Variants in STRN3 observed in about 807,000 individuals in gnomAD.
STRN3 encodes the protein striatin-3.
Under a neutral mutation model 95.6 loss-of-function variants are expected in STRN3, and 29 were observed. The observed-to-expected ratio is 0.30, with a 90% CI of 0.23 to 0.41. The LOEUF is 0.41. Among genes scored for constraint, STRN3 ranks in the 10% least tolerant of loss-of-function variants. STRN3 has a pLI of 1.00. For missense variants in STRN3, 890 were observed against 972.1 expected, an observed-to-expected ratio of 0.92 and a Z score of 1.12; for synonymous variants, 331 against 357.6, an observed-to-expected ratio of 0.93 and a Z score of 0.84.
chr14:30,929,233 T>C lies in STRN3; in HGVS notation c.1067A>G (p.Lys356Arg). The C allele has an allele frequency of 1.2e-6, 2 of 1,613,268 alleles. No individual in the cohort carries two copies. The highest frequency in any genetic ancestry group is 1.7e-6 in the Non-Finnish European group (2 of 1,179,606). ...GLISKLKEQYKKERKGKKGVK... is the reference protein window; with the variant it reads ...GLISKLKEQYRKERKGKKGVK... ...CCCTTTCTTCCCCTTTCGTTCCTTC[T>C]TGTACTGTTCCTTCAGTTTACTTAT... is the stretch of plus-strand genomic sequence containing the variant. The change falls in exon 8 of 18, where the codon AAG becomes AGG. Residue 356 changes from lysine to arginine, a missense_variant. Lys to Arg is a conservative substitution (Grantham distance 26, BLOSUM62 2). Coordinates refer to ENST00000357479, the MANE Select transcript of STRN3 (RefSeq NM_001083893.2).
chr14:30,942,404 C>A (rs1465091075), intron 5 of STRN3, among the ~76,000 whole-genome samples: 1 of 152,082 alleles, frequency 6.6e-6, no homozygotes, highest in African/African-American at 2.4e-5. Context: ...AAAGAGACAA[C>A]AGAATCTTAA....
chr14:30,915,425 A>G (rs1425725544), intron 9 of STRN3, among the ~76,000 whole-genome samples: 1 of 152,156 alleles, frequency 6.6e-6, no homozygotes, highest in African/African-American at 2.4e-5. Context: ...ATGAATCTGA[A>G]AGCACCTGAC....
At chr14:30,910,823 G>GT in intron 13 of STRN3, among the ~76,000 whole-genome samples, 1 of 151,950 alleles carries the variant, frequency 6.6e-6, no homozygotes, top group Middle Eastern at 3.4e-3. Flanking sequence ...AATTAATATA[G>GT]TTTTTTAAAC....
At position 30,894,912 on chromosome 14, in the gene STRN3, G is replaced by C. The variant is rs866646425; in HGVS notation, c.*499C>G. On this transcript the variant is annotated 3_prime_UTR_variant, in exon 18 of 18. Transcript: ENST00000357479. ...CTTTTTCTTTTTTTTTTTTTTTAAA[G>C]CAAAATAAGTTTAAAAGGGAATCTG... 2 of 991,134 alleles carry C rather than the reference G, an allele frequency of 2.0e-6. No homozygotes were observed. Among genetic ancestry groups the C allele is most frequent in the Non-Finnish European group, 2.5e-6 (2 of 788,912 alleles). 61.4% of individuals were successfully genotyped at this position (991,134 alleles called of 1,614,324 possible).
rs766973734 is a variant in STRN3, at chr14:30,936,601, G to A, written c.740C>T (p.Thr247Met). The A allele has an allele frequency of 8.7e-6, 14 of 1,613,316 alleles. No individual in the cohort carries two copies. Among genetic ancestry groups the A allele is most frequent in the Non-Finnish European group, 1.1e-5 (13 of 1,179,758 alleles). Residue 247 changes from threonine to methionine, a missense_variant, in exon 6 of 18, where the codon ACG (threonine) becomes ATG (methionine). By Grantham distance (81) the Thr-to-Met change is moderately conservative. Around this residue, in one of 3 missense-constraint regions of STRN3, gnomAD observed 526 missense variants for 526.3 expected, o/e 1.00. Transcript: ENST00000357479. Reference sequence around the variant, plus strand: ...ATCGGCATTTTCTAAGAAATTGAACGTCTCAAGAACATCACCAGAGGACCT... The same window carrying A: ...ATCGGCATTTTCTAAGAAATTGAACATCTCAAGAACATCACCAGAGGACCT... ...IKRSSGDVLE[T>M]FNFLENADDS...
At position 30,910,249 on chromosome 14, in the gene STRN3, C is replaced by T. The variant is rs1239469188; in HGVS notation, c.1720+792G>A. 2.6e-5 allele frequency among the ~76,000 whole-genome samples: 4 copies of T among 152,272 alleles called. 1 individual carries two copies. The highest frequency in any genetic ancestry group is 2.9e-5 in the Non-Finnish European group (2 of 68,018). Reference sequence around the variant, plus strand: ...CTTCTAGAGAAGGTTCTGCCTGTTACGCCCTCTCAACAGTACTCTATCTTC... The same window carrying T: ...CTTCTAGAGAAGGTTCTGCCTGTTATGCCCTCTCAACAGTACTCTATCTTC... On this transcript the variant is annotated intron_variant, in intron 13 of 17. Coordinates refer to ENST00000357479, the MANE Select transcript of STRN3 (RefSeq NM_001083893.2).
chr14:30,954,050 T>C (rs1282046854), intron 3 of STRN3, among the ~76,000 whole-genome samples: 1 of 152,226 alleles, frequency 6.6e-6, no homozygotes, highest in African/African-American at 2.4e-5. Context: ...TCCTCAACAC[T>C]TGATATTGCC....
At chr14:30,926,174 T>C (rs1293844061) in intron 8 of STRN3, among the ~76,000 whole-genome samples, 3 of 152,116 alleles carry the variant, frequency 2.0e-5, no homozygotes, top group Non-Finnish European at 4.4e-5. Flanking sequence ...AGAAACATAA[T>C]TTATTTCTGA....
At chr14:30,905,282 T>C (rs1896431418) in intron 15 of STRN3, 136 bp downstream of exon 15, 1 of 951,842 alleles carries the variant, frequency 1.1e-6, no homozygotes, top group Non-Finnish European at 1.4e-6. Context: ...TAAATAAGTA[T>C]AACTGTAACA....
intron 1 of STRN3, among the ~76,000 whole-genome samples, chr14:30,973,699 G>C (rs1275500821): frequency 6.6e-6 from 1 of 152,136 alleles, no homozygotes; most frequent in Non-Finnish European, 1.5e-5. Context: ...CATCCCCTGT[G>C]AACACTGATA....
Position 30,895,395 on chromosome 14 carries a change from G to A in STRN3, c.*16C>T, listed in dbSNP as rs1471102837. Reference sequence around the variant, plus strand: ...CTGTCCAAGCAAATCTTGTTACGATGCAAGTTTTTGTTGATTCATACAAAT... The same window carrying A: ...CTGTCCAAGCAAATCTTGTTACGATACAAGTTTTTGTTGATTCATACAAAT... On this transcript the variant is annotated 3_prime_UTR_variant, in exon 18 of 18. Transcript: ENST00000357479. 3 of 1,585,210 alleles carry A rather than the reference G, an allele frequency of 1.9e-6. No homozygotes were observed. The highest frequency in any genetic ancestry group is 2.6e-6 in the Non-Finnish European group (3 of 1,164,440).
intron 1 of STRN3, among the ~76,000 whole-genome samples, chr14:30,973,405 G>C (rs1384570539): frequency 6.6e-6 from 1 of 151,744 alleles, no homozygotes; most frequent in East Asian, 1.9e-4. Flanking sequence ...AAAGAGAGAA[G>C]GGAGGGAGGA....
At position 30,917,678 on chromosome 14, in the gene STRN3, AT is replaced by A. The variant is rs532316926; in HGVS notation, c.1240+1287del. On this transcript the variant is annotated intron_variant, in intron 9 of 17. Coordinates refer to ENST00000357479, the MANE Select transcript of STRN3 (RefSeq NM_001083893.2). ...ACAGACACTATTTTATTTTTCATTC[AT>A]TTTGTTTTGAATGATTTTGTTACTT... 4.0e-5 allele frequency among the ~76,000 whole-genome samples: 6 copies of A among 151,890 alleles called. No individual in the cohort carries two copies. The South Asian group carries it at 1.2e-3, about 32-fold the overall frequency.
intron 1 of STRN3, among the ~76,000 whole-genome samples, chr14:30,988,490 C>T (rs748690028): frequency 3.3e-5 from 5 of 152,028 alleles, no homozygotes; most frequent in African/African-American, 7.3e-5. Flanking sequence ...ATCTGCTGAG[C>T]CCAACTACAA....
At chr14:30,994,813 T>A (rs1297043328) in intron 1 of STRN3, among the ~76,000 whole-genome samples, 2 of 152,232 alleles carry the variant, frequency 1.3e-5, no homozygotes, top group Non-Finnish European at 2.9e-5. Flanking sequence ...GTTTCAATTA[T>A]GCGACATTAA....
intron 1 of STRN3, among the ~76,000 whole-genome samples, chr14:31,000,291 G>A (rs574427199): frequency 6.6e-6 from 1 of 151,792 alleles, no homozygotes; most frequent in South Asian, 2.1e-4. Flanking sequence ...AATTTAAAAG[G>A]CAATCACATT....
At chr14:30,995,172 A>G (rs1882140895) in intron 1 of STRN3, among the ~76,000 whole-genome samples, 1 of 152,218 alleles carries the variant, frequency 6.6e-6, no homozygotes, top group African/African-American at 2.4e-5. Context: ...AAAGCTGTGA[A>G]TCATCTTCCA....
chr14:30,961,070 TA>T (rs1267570589), intron 1 of STRN3, among the ~76,000 whole-genome samples: 1 of 151,756 alleles, frequency 6.6e-6, no homozygotes, highest in African/African-American at 2.4e-5. Flanking sequence ...ACACTAGCCA[TA>T]AAGAAAAGGA....
At chr14:30,905,364 T>G in intron 15 of STRN3, 54 bp downstream of exon 15, 1 of 1,470,870 alleles carries the variant, frequency 6.8e-7, no homozygotes, top group South Asian at 1.5e-5. Context: ...AAGATCACCC[T>G]CTATTGTGTA....
Sources: allele counts gnomAD v4.1 joint callset (sites outside exome capture counted in the v4.1 genomes callset), GRCh38; gene constraint gnomAD v4.1.1; regional missense constraint gnomAD v4.1.1; transcripts MANE v1.5; gene names NCBI Gene and HGNC (gene_info 2026-07-23, HGNC 2026-07-21).